Variants in FLRT1 observed in about 807,000 individuals in gnomAD.
FLRT1 encodes the protein fibronectin leucine rich transmembrane protein 1.
FLRT1 carries 14 observed loss-of-function variants against 30.9 expected under a neutral mutation model. That is an observed-to-expected ratio of 0.45 (90% confidence interval 0.30 to 0.71). The LOEUF is 0.71. Ranked by LOEUF, FLRT1 falls within the 30% of genes least tolerant of loss-of-function variation. The pLI, the probability that FLRT1 is intolerant of heterozygous loss-of-function variation, is 0.08. For synonymous variants in FLRT1, 368 were observed against 430.4 expected, an observed-to-expected ratio of 0.85 and a Z score of 1.80; for missense variants, 737 against 949.2, an observed-to-expected ratio of 0.78 and a Z score of 2.94.
At position 64,086,164 on chromosome 11, in the gene FLRT1, G is replaced by A. The variant is rs548822072; in HGVS notation, c.-1037-17030G>A. 5.3e-5 allele frequency among the ~76,000 whole-genome samples: 8 copies of A among 152,308 alleles called. No homozygotes were observed. In the South Asian group the frequency reaches 8.3e-4, roughly 16 times the overall value. ...CACACACAGCCATTCAGGGGAAGCC[G>A]GGACTCAACAGTGGGATCCCCCAGG... On this transcript the variant is annotated intron_variant, in intron 1 of 2. Transcript: ENST00000682287.
chr11:64,075,982 T>C (rs554938395), intron 1 of FLRT1, among the ~76,000 whole-genome samples: 26 of 152,312 alleles, frequency 1.7e-4, no homozygotes, highest in African/African-American at 6.3e-4. Flanking sequence ...CCTGGCCCTG[T>C]CTTCTTGGCA....
At chr11:64,075,285 T>C (rs1173380405) in intron 1 of FLRT1, among the ~76,000 whole-genome samples, 1 of 152,244 alleles carries the variant, frequency 6.6e-6, no homozygotes, top group Non-Finnish European at 1.5e-5. Context: ...GGCTGGCCCT[T>C]GGCCCCTCCC....
At chr11:64,106,207 G>A (rs577396132) in intron 2 of FLRT1, among the ~76,000 whole-genome samples, 19 of 152,270 alleles carry the variant, frequency 1.2e-4, no homozygotes, top group Non-Finnish European at 2.4e-4. Context: ...CTGGGTTTGT[G>A]GCCACCCCTC....
rs1944983669 is a variant in FLRT1 at position 64,116,461 on chromosome 11, T to G, written c.194T>G (p.Ile65Ser). 1 of 1,614,088 alleles carries G rather than the reference T, an allele frequency of 6.2e-7. No homozygotes were observed. The highest frequency in any genetic ancestry group is 2.2e-5 in the East Asian group (1 of 44,874). Residue 65 changes from isoleucine (I) to serine (S), a missense_variant, in exon 3 of 3, where the codon ATC (isoleucine) becomes AGC (serine). By Grantham distance (142) the Ile-to-Ser change is moderately radical. Transcript: ENST00000682287. ...PSVCRCDNGFIYCNDRGLTSI... is the reference protein window; with the variant it reads ...PSVCRCDNGFSYCNDRGLTSI... ...GTGTGCCGCTGCGACAACGGCTTCATCTACTGCAACGACCGGGGACTCACA... is the reference window on the plus strand; with the variant it reads ...GTGTGCCGCTGCGACAACGGCTTCAGCTACTGCAACGACCGGGGACTCACA...
intron 1 of FLRT1, among the ~76,000 whole-genome samples, chr11:64,078,395 C>T (rs553745111): frequency 7.2e-4 from 110 of 152,354 alleles, no homozygotes; most frequent in African/African-American, 2.6e-3. Context: ...TGAACGGCTG[C>T]AGAATTACAA....
intron 2 of FLRT1, among the ~76,000 whole-genome samples, chr11:64,108,462 G>A (rs1039621904): frequency 2.0e-5 from 3 of 152,210 alleles, no homozygotes; most frequent in African/African-American, 7.2e-5. Context: ...GTCTCCCTGA[G>A]CACCAGGAAG....
chr11:64,069,297 GC>G (rs1441545878), intron 1 of FLRT1, among the ~76,000 whole-genome samples: 1 of 152,222 alleles, frequency 6.6e-6, no homozygotes, highest in Non-Finnish European at 1.5e-5. Context: ...GTGCTGCCAG[GC>G]CTGGATGAGG....
chr11:64,098,441 G>A (rs958006153), intron 1 of FLRT1, among the ~76,000 whole-genome samples: 28 of 152,174 alleles, frequency 1.8e-4, no homozygotes, highest in Admixed American at 1.1e-3. Context: ...TTACTGGAGC[G>A]GTCCTAGCCC....
intron 1 of FLRT1, among the ~76,000 whole-genome samples, chr11:64,077,806 G>A (rs1009969229): frequency 7.9e-5 from 12 of 152,352 alleles, no homozygotes; most frequent in East Asian, 3.9e-4. Context: ...TCCGGCCGCC[G>A]CTCGGACATT....
intron 2 of FLRT1, among the ~76,000 whole-genome samples, chr11:64,114,256 G>GTGGATTGATGGATGGATGGATGGATTGA (rs139072150): frequency 7.3e-6 from 1 of 137,906 alleles, no homozygotes; most frequent in Non-Finnish European, 1.6e-5. Flanking sequence ...GGATGGTTAG[G>GTGGATTGATGGATGGATGGATGGATTGA]TGGATGGATG....
In FLRT1 at chr11:64,096,931, G is replaced by T. The variant is rs936163083; in HGVS notation, c.-1037-6263G>T. Among the ~76,000 whole-genome samples the T allele has an allele frequency of 3.9e-5, 6 of 152,192 alleles. No individual in the cohort carries two copies. The highest frequency in any genetic ancestry group is 7.3e-5 in the Non-Finnish European group (5 of 68,030). ...AGCTGGGTGCGAGTGGCCCTTGCTG[G>T]TCCCCCGCTCACCCACTCTCTCAGC... On this transcript the variant is annotated intron_variant, in intron 1 of 2. Transcript: ENST00000682287. The surrounding 1 kb of genome is among the most constrained non-coding windows in gnomAD (Gnocchi z 4.6).
At chr11:64,060,088 A>G (rs1413762788) in intron 1 of FLRT1, among the ~76,000 whole-genome samples, 1 of 152,268 alleles carries the variant, frequency 6.6e-6, no homozygotes, top group East Asian at 1.9e-4. Flanking sequence ...TAAGCTGCCA[A>G]TAAAAAATTT....
intron 1 of FLRT1, among the ~76,000 whole-genome samples, chr11:64,043,814 CTT>C (rs113497225): frequency 2.1e-5 from 3 of 144,536 alleles, no homozygotes; most frequent in African/African-American, 5.1e-5. Context: ...GACATGGCAT[CTT>C]TTTTTTTTTT....
At chr11:64,078,352 C>G (rs1472052019) in intron 1 of FLRT1, among the ~76,000 whole-genome samples, 2 of 152,238 alleles carry the variant, frequency 1.3e-5, no homozygotes, top group Non-Finnish European at 2.9e-5. Context: ...CAGTCCCTGG[C>G]CCGTCTGCGT....
intron 2 of FLRT1, among the ~76,000 whole-genome samples, chr11:64,108,598 A>G (rs1467604738): frequency 6.6e-6 from 1 of 152,198 alleles, no homozygotes; most frequent in Non-Finnish European, 1.5e-5. Context: ...ACAGAGCTGG[A>G]GATGATTGTG....
intron 1 of FLRT1, among the ~76,000 whole-genome samples, chr11:64,088,539 GCAGGTGGCACCA>G (rs1252098617): frequency 3.9e-5 from 6 of 152,186 alleles, no homozygotes; most frequent in African/African-American, 1.4e-4. Flanking sequence ...CCTCTCACCT[GCAGGTGGCACCA>G]CCCTTTACAG....
intron 1 of FLRT1, among the ~76,000 whole-genome samples, chr11:64,042,360 G>A (rs1943503901): frequency 6.6e-6 from 1 of 152,146 alleles, no homozygotes; most frequent in Non-Finnish European, 1.5e-5. Flanking sequence ...TGCCCTTCCT[G>A]CCCCCAGACA....
chr11:64,072,992 C>A (rs1944136421), intron 1 of FLRT1, among the ~76,000 whole-genome samples: 1 of 152,188 alleles, frequency 6.6e-6, no homozygotes. Flanking sequence ...GGTCCTGCAG[C>A]CCAGAGAGGG....
At chr11:64,054,874 C>T (rs1032086388) in intron 1 of FLRT1, among the ~76,000 whole-genome samples, 2 of 151,978 alleles carry the variant, frequency 1.3e-5, no homozygotes, top group Non-Finnish European at 1.5e-5. Flanking sequence ...TAGCATCTCC[C>T]GTGACAAATA....
Sources: gnomAD v4.1 joint callset for allele counts (sites outside exome capture counted in the v4.1 genomes callset) on GRCh38, gnomAD v4.1.1 for gene constraint, Gnocchi (gnomAD v3.1) non-coding constraint, MANE v1.5 for transcripts, NCBI Gene and HGNC (gene_info 2026-07-23, HGNC 2026-07-21) for gene names.